Variants in SH2D6 observed in about 807,000 individuals in gnomAD.
SH2D6 encodes the protein SH2 domain-containing protein 6.
Under a neutral mutation model 30.2 loss-of-function variants are expected in SH2D6, and 31 were observed. The ratio of observed to expected loss-of-function variants is 1.03; its 90% CI spans 0.77 to 1.38. The LOEUF (loss-of-function observed/expected upper bound fraction) is 1.38. Ranked by LOEUF, SH2D6 falls within the 40% of genes most tolerant of loss-of-function variation. The pLI is 0.00. For missense variants in SH2D6, 240 were observed against 266.8 expected (o/e 0.90, Z 0.70); for synonymous variants, 93 against 104.6 (o/e 0.89, Z 0.68).
rs935403568 is a variant in SH2D6, at chr2:85,422,487, G to A, written c.-407G>A. On this transcript the variant is annotated 5_prime_UTR_variant, in exon 4 of 24. Transcript: ENST00000469800. ...CAGTCACATTGGAGGAGCAGAGAGA[G>A]AAGGTGAGTGTGAGGGAGTCCCTGG... 76 of 152,320 alleles carry A rather than the reference G, an allele frequency of 5.0e-4. 1 individual carries two copies. Among genetic ancestry groups the A allele is most frequent in the African/African-American group, 1.8e-3 (75 of 41,456 alleles). 9.4% of individuals were successfully genotyped at this position (152,320 alleles called of 1,614,324 possible). A position where few individuals can be genotyped will look rare whatever the true frequency, so the allele number is the denominator to read the frequency against.
chr2:85,427,416 C>A (rs186050522), intron 6 of SH2D6, among the ~76,000 whole-genome samples: 1 of 152,238 alleles, frequency 6.6e-6, no homozygotes, highest in Non-Finnish European at 1.5e-5. Flanking sequence ...TCTTTCCTTC[C>A]CCTTCTCCCA....
chr2:85,430,865 A>C lies in SH2D6; in HGVS notation c.250+213A>C. Among the ~76,000 whole-genome samples, 1 of 152,068 alleles carries C rather than the reference A, an allele frequency of 6.6e-6. No homozygotes were observed. On this transcript the variant is annotated intron_variant, in intron 12 of 23. Coordinates refer to ENST00000469800, the MANE Select transcript of SH2D6 (RefSeq NM_001394463.1). The surrounding 1 kb of genome is among the most constrained non-coding windows in gnomAD (Gnocchi z 4.3). ...GAGGGAGGGAGGGTGGGAGGGAGGA[A>C]GAAGAGTGGGAAGGGAAGAGGAGGG... is the stretch of plus-strand genomic sequence containing the variant.
intron 6 of SH2D6, 50 bp from the exon 7 acceptor site, chr2:85,428,534 G>A (rs1468660650): frequency 2.6e-5 from 4 of 152,136 alleles, no homozygotes; most frequent in African/African-American, 4.8e-5. Context: ...CTGATAGTGT[G>A]GGTGTCTTCA....
chr2:85,434,896 C>T, intron 19 of SH2D6, 169 bp from the exon 20 acceptor site: 1 of 1,582,374 alleles, frequency 6.3e-7, no homozygotes, highest in Admixed American at 1.8e-5. Context: ...TGGGTCCTGC[C>T]AGGGCACTGG....
At chr2:85,425,148 C>G (rs567402646) in intron 5 of SH2D6, among the ~76,000 whole-genome samples, 160 bp from the exon 6 acceptor site, 1 of 152,208 alleles carries the variant, frequency 6.6e-6, no homozygotes, top group South Asian at 2.1e-4. Flanking sequence ...GTTCCACCTT[C>G]CCAGGAGACA....
chr2:85,420,178 C>T (rs532742494), intron 2 of SH2D6, among the ~76,000 whole-genome samples: 21 of 152,254 alleles, frequency 1.4e-4, no homozygotes, highest in African/African-American at 4.8e-4. Flanking sequence ...AATCTCGGTC[C>T]ACTGCAACCT....
intron 5 of SH2D6, among the ~76,000 whole-genome samples, chr2:85,423,925 G>A (rs947060309): frequency 1.3e-5 from 2 of 152,206 alleles, no homozygotes; most frequent in East Asian, 1.9e-4. Flanking sequence ...CACCAGGAAC[G>A]TCTTGGGCCT....
chr2:85,426,664 C>T (rs997375855), intron 6 of SH2D6, among the ~76,000 whole-genome samples: 4 of 152,224 alleles, frequency 2.6e-5, no homozygotes, highest in Non-Finnish European at 4.4e-5. Context: ...CTATTTCTGC[C>T]CTACACATCT....
chr2:85,420,696 CT>C (rs1317753082), intron 2 of SH2D6, among the ~76,000 whole-genome samples: 9 of 152,266 alleles, frequency 5.9e-5, no homozygotes. Context: ...TTCTTTCGCT[CT>C]GCGGGCCTTG....
chr2:85,424,412 TTTTC>T (rs1288578493), intron 5 of SH2D6, among the ~76,000 whole-genome samples: 1 of 152,106 alleles, frequency 6.6e-6, no homozygotes, highest in African/African-American at 2.4e-5. Context: ...CCTCCCTTCT[TTTTC>T]TTTCTTTCTA....
Position 85,436,872 on chromosome 2 carries a change from A to G in SH2D6, c.*48A>G, listed in dbSNP as rs999222769. The G allele has an allele frequency of 5.2e-6, 2 of 388,192 alleles. No individual in the cohort carries two copies. Among genetic ancestry groups the G allele is most frequent in the Admixed American group, 4.1e-5 (1 of 24,672 alleles). The allele number at this position is 388,192 out of a possible 1,614,324, so 24.0% of individuals were successfully genotyped here. On this transcript the variant is annotated 3_prime_UTR_variant, in exon 24 of 24. Coordinates refer to ENST00000469800, the MANE Select transcript of SH2D6 (RefSeq NM_001394463.1). ...GTCTGCCCAGTTCACTAGGTCCTGG[A>G]TGAAGGAACCGTGGTGGCCTAGACC...
chr2:85,424,542 G>A (rs1343714056), intron 5 of SH2D6, among the ~76,000 whole-genome samples: 1 of 152,094 alleles, frequency 6.6e-6, no homozygotes, highest in Non-Finnish European at 1.5e-5. Context: ...TTGAGGCCAG[G>A]AGTTTCAGAC....
intron 5 of SH2D6, among the ~76,000 whole-genome samples, chr2:85,424,655 G>C (rs576483351): frequency 6.6e-6 from 1 of 152,174 alleles, no homozygotes; most frequent in Non-Finnish European, 1.5e-5. Flanking sequence ...GGGAAGTTGA[G>C]GCTGGAGGAT....
rs536307578 is a variant in SH2D6, at chr2:85,425,857, A to G, written c.-209+450A>G. On this transcript the variant is annotated intron_variant, in intron 6 of 23. Coordinates refer to ENST00000469800, the MANE Select transcript of SH2D6 (RefSeq NM_001394463.1). ...GGCTGTCACCACCCTCCCAGGGTGC[A>G]TTTTTCTTGGTGCCTGATGCAGGTT... 4.6e-5 allele frequency among the ~76,000 whole-genome samples: 7 copies of G among 151,884 alleles called. No homozygotes were observed. In the South Asian group the frequency reaches 1.5e-3, roughly 32 times the overall value.
At position 85,427,751 on chromosome 2, in the gene SH2D6, G is replaced by A. The variant is rs149428875; in HGVS notation, c.-208-833G>A. On this transcript the variant is annotated intron_variant, in intron 6 of 23. Coordinates refer to ENST00000469800, the MANE Select transcript of SH2D6 (RefSeq NM_001394463.1). ...AATAGACCCAGTAGAACCAATTCTGGATGAGGATTTGTTATTTTTGTTTTT... is the reference window on the plus strand; with the variant it reads ...AATAGACCCAGTAGAACCAATTCTGAATGAGGATTTGTTATTTTTGTTTTT... Among the ~76,000 whole-genome samples, 323 of 152,334 alleles carry A rather than the reference G, an allele frequency of 2.1e-3. 3 individuals carry two copies. Among genetic ancestry groups the A allele is most frequent in the African/African-American group, 7.4e-3 (308 of 41,580 alleles).
intron 5 of SH2D6, among the ~76,000 whole-genome samples, chr2:85,424,297 T>A (rs963490038): frequency 6.6e-6 from 1 of 152,194 alleles, no homozygotes; most frequent in Non-Finnish European, 1.5e-5. Context: ...AACCTCCTGT[T>A]GGCCTGGCCT....
intron 22 of SH2D6, 44 bp from the exon 23 acceptor site, chr2:85,436,422 C>A: frequency 1.4e-6 from 2 of 1,475,364 alleles, no homozygotes; most frequent in South Asian, 1.1e-5. Flanking sequence ...TTGCTCCCAG[C>A]ATGAGGCTCA....
intron 20 of SH2D6, 120 bp from the exon 21 acceptor site, chr2:85,435,293 T>C: frequency 7.7e-7 from 1 of 1,301,970 alleles, no homozygotes; most frequent in Non-Finnish European, 1.1e-6. Flanking sequence ...TTGTTCTGCC[T>C]GAGGGGGACT....
At chr2:85,435,554 C>T in intron 21 of SH2D6, 58 bp downstream of exon 21, 1 of 1,598,046 alleles carries the variant, frequency 6.3e-7, no homozygotes. Flanking sequence ...CAGGCTGTGG[C>T]TGGCCGAGCA....
Sources: allele counts gnomAD v4.1 joint callset (sites outside exome capture counted in the v4.1 genomes callset), GRCh38; gene constraint gnomAD v4.1.1; non-coding constraint Gnocchi (gnomAD v3.1); transcripts MANE v1.5; gene names NCBI Gene and HGNC (gene_info 2026-07-23, HGNC 2026-07-21).